Variants in GRIA3 observed in about 807,000 individuals in gnomAD.
GRIA3 encodes glutamate ionotropic receptor AMPA type subunit 3, also known as glutamate receptor 3.
GRIA3 carries 3 observed loss-of-function variants against 63.0 expected under a neutral mutation model. The ratio of observed to expected loss-of-function variants is 0.05; its 90% CI spans 0.02 to 0.12. GRIA3 has a LOEUF of 0.12. Among genes scored for constraint, GRIA3 ranks in the 10% least tolerant of loss-of-function variants. The pLI is 1.00. For synonymous variants in GRIA3, 274 were observed against 257.9 expected (o/e 1.06, Z -0.60); for missense variants, 347 against 700.9 (o/e 0.50, Z 5.70).
intron 12 of GRIA3, among the ~76,000 whole-genome samples, chrX:123,432,250 C>T (rs1400660845): frequency 8.9e-6 from 1 of 111,928 alleles, no homozygotes; most frequent in Non-Finnish European, 1.9e-5. Flanking sequence ...AAAACTCTAC[C>T]CCACAAAATA....
At chrX:123,395,928 C>T (rs933674782) in intron 6 of GRIA3, among the ~76,000 whole-genome samples, 6 of 110,010 alleles carry the variant, frequency 5.5e-5, no homozygotes, top group Admixed American at 1.9e-4. Context: ...AGCTGTGGTA[C>T]GAAATAGGGG....
At chrX:123,291,455 G>C (rs902749467) in intron 3 of GRIA3, among the ~76,000 whole-genome samples, 4 of 110,459 alleles carry the variant, frequency 3.6e-5, no homozygotes, top group African/African-American at 1.3e-4. Flanking sequence ...AAAAACTGTT[G>C]GGTGCTATGC....
At chrX:123,388,825 T>C (rs1186399917) in intron 5 of GRIA3, among the ~76,000 whole-genome samples, 3 of 112,057 alleles carry the variant, frequency 2.7e-5, no homozygotes, top group Non-Finnish European at 5.6e-5. Context: ...TTATTTGACA[T>C]CCTTCTACTT....
At chrX:123,236,255 G>A (rs2044301322) in intron 2 of GRIA3, among the ~76,000 whole-genome samples, 1 of 111,152 alleles carries the variant, frequency 9.0e-6, no homozygotes, top group Admixed American at 9.6e-5. Context: ...AAACCAACAA[G>A]AGAAAGAAAA....
At chrX:123,466,704 C>A (rs1227421437) in intron 13 of GRIA3, among the ~76,000 whole-genome samples, 3 of 112,359 alleles carry the variant, frequency 2.7e-5, no homozygotes, top group Non-Finnish European at 1.9e-5. Context: ...AAAATAGAAT[C>A]CTCCTTGGCC....
At chrX:123,265,655 T>A (rs2044483987) in intron 3 of GRIA3, among the ~76,000 whole-genome samples, 2 of 111,843 alleles carry the variant, frequency 1.8e-5, no homozygotes, top group Admixed American at 1.9e-4. Flanking sequence ...CAAACCTTTA[T>A]GGTTCAAGGG....
rs143820901 is a variant in GRIA3, at chrX:123,440,512, C to A, written c.2076+12373C>A. On this transcript the variant is annotated intron_variant, in intron 12 of 15. Coordinates refer to ENST00000620443, the MANE Select transcript of GRIA3 (RefSeq NM_007325.5). ...TTCTGACTGGTGTGAGATGGTATCTCATTGTGGTTTTGATTTGCATTTCTC... is the reference window on the plus strand; with the variant it reads ...TTCTGACTGGTGTGAGATGGTATCTAATTGTGGTTTTGATTTGCATTTCTC... 2.8e-3 allele frequency among the ~76,000 whole-genome samples: 311 copies of A among 112,533 alleles called. 1 individual carries two copies. Among genetic ancestry groups the A allele is most frequent in the African/African-American group, 9.8e-3 (305 of 31,046 alleles).
intron 12 of GRIA3, among the ~76,000 whole-genome samples, chrX:123,464,007 C>G (rs1017229762): frequency 9.0e-5 from 10 of 110,507 alleles, no homozygotes; most frequent in African/African-American, 3.3e-4. Flanking sequence ...GAGTGGAAAA[C>G]CAAAGTTGTG....
chrX:123,194,189 G>A (rs1414758183), intron 2 of GRIA3, among the ~76,000 whole-genome samples: 2 of 110,809 alleles, frequency 1.8e-5, no homozygotes, highest in Non-Finnish European at 3.8e-5. Context: ...CACAGTTACT[G>A]TGGAAAATTT....
intron 5 of GRIA3, among the ~76,000 whole-genome samples, chrX:123,363,514 A>G (rs1317355452): frequency 8.9e-6 from 1 of 112,651 alleles, no homozygotes; most frequent in Non-Finnish European, 1.9e-5. Flanking sequence ...GGATCTTTGG[A>G]AGACTGAATT....
At chrX:123,274,472 C>T (rs1020229418) in intron 3 of GRIA3, among the ~76,000 whole-genome samples, 2 of 112,043 alleles carry the variant, frequency 1.8e-5, no homozygotes, top group African/African-American at 6.5e-5. Flanking sequence ...AGTCACTTGT[C>T]CATGACATAA....
At chrX:123,386,118 G>C (rs980601630) in intron 5 of GRIA3, among the ~76,000 whole-genome samples, 2 of 110,765 alleles carry the variant, frequency 1.8e-5, no homozygotes, top group Non-Finnish European at 3.8e-5. Context: ...GTTTGTTTTT[G>C]TCTTTTTAAT....
chrX:123,489,331 A>G lies in GRIA3; in HGVS notation c.*621A>G. 1 of 112,545 alleles carries G rather than the reference A, an allele frequency of 8.9e-6. No homozygotes were observed. Among genetic ancestry groups the G allele is most frequent in the Non-Finnish European group, 1.9e-5 (1 of 53,297 alleles). 9.3% of individuals were successfully genotyped at this position (112,545 alleles called of 1,213,427 possible). ...TTGCTGAAATGTGTATATCTTTAGA[A>G]TGTAAATGCAACACTTAAGAAAATT... On this transcript the variant is annotated 3_prime_UTR_variant, in exon 16 of 16. Transcript: ENST00000620443.
chrX:123,189,997 T>G (rs1484694924), intron 2 of GRIA3, among the ~76,000 whole-genome samples: 2 of 112,117 alleles, frequency 1.8e-5, no homozygotes, highest in Non-Finnish European at 3.8e-5. Flanking sequence ...AATTATCTAA[T>G]TATTATAATT....
At chrX:123,350,550 T>C (rs183146129) in intron 4 of GRIA3, among the ~76,000 whole-genome samples, 2 of 112,196 alleles carry the variant, frequency 1.8e-5, no homozygotes, top group East Asian at 5.6e-4. Flanking sequence ...AGATTAAACA[T>C]TAAATTGAAA....
intron 2 of GRIA3, among the ~76,000 whole-genome samples, chrX:123,229,569 G>A: frequency 8.9e-6 from 1 of 111,989 alleles, no homozygotes; most frequent in African/African-American, 3.2e-5. Flanking sequence ...CCAAGACCTA[G>A]GGAAAAGAAA....
intron 12 of GRIA3, among the ~76,000 whole-genome samples, chrX:123,463,996 C>T (rs1006212207): frequency 3.6e-5 from 4 of 110,636 alleles, no homozygotes; most frequent in Admixed American, 2.9e-4. Flanking sequence ...AATGTGCCTA[C>T]GAGTGGAAAA....
chrX:123,207,012 G>A (rs1321498597), intron 2 of GRIA3, among the ~76,000 whole-genome samples: 1 of 111,613 alleles, frequency 9.0e-6, no homozygotes, highest in Non-Finnish European at 1.9e-5. Flanking sequence ...CATTTCTGTT[G>A]CTGCAACAGG....
intron 10 of GRIA3, among the ~76,000 whole-genome samples, chrX:123,407,698 G>GA (rs2045483176): frequency 1.2e-5 from 1 of 85,210 alleles, no homozygotes; most frequent in South Asian, 7.6e-4. Flanking sequence ...TTGCGGGGGG[G>GA]GGGGGGACGT....
Sources: gnomAD v4.1 joint callset for allele counts (sites outside exome capture counted in the v4.1 genomes callset) on GRCh38, gnomAD v4.1.1 for gene constraint, MANE v1.5 for transcripts, NCBI Gene and HGNC (gene_info 2026-07-23, HGNC 2026-07-21) for gene names.